BCL11A: variants seen among roughly 807,000 people sequenced by gnomAD.
BCL11A encodes BCL11 transcription factor A.
In BCL11A, 2 loss-of-function variants were observed where a neutral mutation model predicts 55.9. That is an observed-to-expected ratio of 0.04 (90% CI 0.01 to 0.11). BCL11A has a LOEUF of 0.11. Ranked by LOEUF, BCL11A falls within the 10% of genes least tolerant of loss-of-function variation. BCL11A has a pLI of 1.00. For synonymous variants in BCL11A, 465 were observed against 473.4 expected, an observed-to-expected ratio of 0.98 and a Z score of 0.23; for missense variants, 817 against 1,137.1, an observed-to-expected ratio of 0.72 and a Z score of 4.05.
chr2:60,480,243 T>C (rs979532398), intron 2 of BCL11A, among the ~76,000 whole-genome samples: 1 of 152,242 alleles, frequency 6.6e-6, no homozygotes, highest in Non-Finnish European at 1.5e-5. Context: ...CTTCTGAACC[T>C]GGCTCTCCAC....
intron 2 of BCL11A, among the ~76,000 whole-genome samples, chr2:60,505,532 G>A (rs1054304381): frequency 2.0e-5 from 3 of 152,180 alleles, no homozygotes; most frequent in Admixed American, 6.5e-5. Context: ...GGCCAAACCA[G>A]CCCTCTTTTA....
At chr2:60,550,463 G>A (rs1043114235) in intron 1 of BCL11A, among the ~76,000 whole-genome samples, 128 of 152,166 alleles carry the variant, frequency 8.4e-4, no homozygotes, top group African/African-American at 2.9e-3. Flanking sequence ...CAGGAGGTGG[G>A]GGAGGCTCTG....
rs1572943758 is a variant in BCL11A at position 60,457,325 on chromosome 2, A to G, written c.*3079T>C. The G allele has an allele frequency of 9.8e-7, 1 of 1,022,668 alleles. No individual in the cohort carries two copies. Among genetic ancestry groups the G allele is most frequent in the East Asian group, 6.4e-5 (1 of 15,608 alleles). The allele number at this position is 1,022,668 out of a possible 1,614,324, so 63.3% of individuals were successfully genotyped here. A position where few individuals can be genotyped will look rare whatever the true frequency, so the allele number is the denominator to read the frequency against. ...AACTTAACAAAGACCAGAAACAAAT[A>G]CAATAAAAAGCCAGGTTGTAATGAC... On this transcript the variant is annotated 3_prime_UTR_variant, in exon 4 of 4. Coordinates refer to ENST00000642384, the MANE Select transcript of BCL11A (RefSeq NM_022893.4).
intron 2 of BCL11A, among the ~76,000 whole-genome samples, chr2:60,491,115 A>G (rs1678602994): frequency 6.6e-6 from 1 of 152,178 alleles, no homozygotes; most frequent in Non-Finnish European, 1.5e-5. Context: ...AAAAATGACA[A>G]CATCTTCTAT....
intron 2 of BCL11A, among the ~76,000 whole-genome samples, chr2:60,512,555 T>C (rs1434131719): frequency 6.6e-6 from 1 of 152,196 alleles, no homozygotes; most frequent in Non-Finnish European, 1.5e-5. Context: ...AGAGAGTACA[T>C]GCTCAACAAA....
At chr2:60,506,451 C>T (rs1319968201) in intron 2 of BCL11A, among the ~76,000 whole-genome samples, 4 of 152,226 alleles carry the variant, frequency 2.6e-5, no homozygotes, top group East Asian at 1.9e-4. Flanking sequence ...TGGGTCAACC[C>T]GAGCGCACCA....
chr2:60,519,446 ATG>A (rs1668875134), intron 2 of BCL11A, among the ~76,000 whole-genome samples: 1 of 152,230 alleles, frequency 6.6e-6, no homozygotes, highest in African/African-American at 2.4e-5. Context: ...AGTGCCAAAA[ATG>A]TGTCTATAAC....
intron 2 of BCL11A, among the ~76,000 whole-genome samples, chr2:60,530,332 TAAA>T (rs10699821): frequency 2.3e-5 from 3 of 129,908 alleles, no homozygotes; most frequent in Admixed American, 7.8e-5. Context: ...TTCAGCCATT[TAAA>T]AAAAAAAAAA....
chr2:60,473,085 CAT>C (rs1298329130), intron 2 of BCL11A, among the ~76,000 whole-genome samples: 3 of 148,572 alleles, frequency 2.0e-5, no homozygotes, highest in African/African-American at 4.9e-5. Flanking sequence ...TGACTGTGTG[CAT>C]GTGTGTGTAT....
At chr2:60,457,106 AGACT>A (rs1558607411), downstream of BCL11A, 1 of 325,354 alleles carries the variant, frequency 3.1e-6, no homozygotes, top group African/African-American at 2.2e-5. Flanking sequence ...ATCCTGAAAA[AGACT>A]GACTGGCCTT....
At chr2:60,454,838 A>T (rs1384816735), downstream of BCL11A, among the ~76,000 whole-genome samples, 1 of 152,366 alleles carries the variant, frequency 6.6e-6, no homozygotes, top group East Asian at 1.9e-4. Context: ...TCTCACTTCT[A>T]GCATTATGAT....
chr2:60,467,071 A>G (rs1387560849), intron 3 of BCL11A, among the ~76,000 whole-genome samples: 4 of 137,842 alleles, frequency 2.9e-5, no homozygotes, highest in Non-Finnish European at 6.4e-5. Flanking sequence ...TGGTGGTGGC[A>G]GTGGTGGTGG....
At chr2:60,493,884 T>C (rs1177588173) in intron 2 of BCL11A, among the ~76,000 whole-genome samples, 1 of 152,054 alleles carries the variant, frequency 6.6e-6, no homozygotes, top group Non-Finnish European at 1.5e-5. Flanking sequence ...ATGGCAGGGC[T>C]GGGGGATCAG....
intron 1 of BCL11A, among the ~76,000 whole-genome samples, chr2:60,547,258 T>C (rs1401168302): frequency 6.6e-6 from 1 of 152,208 alleles, no homozygotes. Context: ...ATACTTCGCC[T>C]AATGTTGTCA....
chr2:60,519,470 G>A (rs1313995612), intron 2 of BCL11A, among the ~76,000 whole-genome samples: 1 of 152,214 alleles, frequency 6.6e-6, no homozygotes, highest in African/African-American at 2.4e-5. Context: ...TGTAAGGAGA[G>A]ATGGGTGTGG....
chr2:60,476,334 C>G (rs950342301), intron 2 of BCL11A, among the ~76,000 whole-genome samples: 6 of 152,230 alleles, frequency 3.9e-5, no homozygotes, highest in African/African-American at 1.4e-4. Flanking sequence ...GTCAGAGAAC[C>G]AGGAAGAAAC....
intron 2 of BCL11A, chr2:60,535,291 A>T (rs1669618990): frequency 6.6e-6 from 1 of 152,204 alleles, no homozygotes. Flanking sequence ...TCATTTTTTT[A>T]ATGCAAAATT....
intron 2 of BCL11A, among the ~76,000 whole-genome samples, chr2:60,489,528 C>T (rs1678496486): frequency 6.6e-6 from 1 of 152,220 alleles, no homozygotes; most frequent in African/African-American, 2.4e-5. Flanking sequence ...AGTGACCAGC[C>T]ACAAACAAAA....
At chr2:60,526,626 G>A (rs1669213663) in intron 2 of BCL11A, 1 of 152,288 alleles carries the variant, frequency 6.6e-6, no homozygotes, top group South Asian at 2.1e-4. Flanking sequence ...GTAATTTGAT[G>A]GTTTATAGGC....
Sources: allele counts gnomAD v4.1 joint callset (sites outside exome capture counted in the v4.1 genomes callset), GRCh38; gene constraint gnomAD v4.1.1; transcripts MANE v1.5; gene names NCBI Gene and HGNC (gene_info 2026-07-23, HGNC 2026-07-21).